Variants in PLA2G4D observed in about 807,000 individuals in gnomAD.
PLA2G4D encodes cytosolic phospholipase A2 delta.
PLA2G4D carries 80 observed loss-of-function variants against 94.4 expected under a neutral mutation model. The ratio of observed to expected loss-of-function variants is 0.85; its 90% CI spans 0.71 to 1.02. PLA2G4D has a LOEUF of 1.02. PLA2G4D is among the 50% of genes least tolerant of loss of function. PLA2G4D has a pLI of 0.00. For missense variants in PLA2G4D, 1,050 were observed against 1,034.7 expected, an observed-to-expected ratio of 1.01 and a Z score of -0.20; for synonymous variants, 438 against 440.9, an observed-to-expected ratio of 0.99 and a Z score of 0.08.
chr15:42,079,568 G>A lies in PLA2G4D; in HGVS notation c.1286C>T (p.Ala429Val), dbSNP rs746000051. The A allele has an allele frequency of 3.7e-6, 6 of 1,607,242 alleles. No homozygotes were observed. In the Admixed American group the frequency reaches 6.8e-5, roughly 18 times the overall value. The change falls in exon 13 of 20, where the codon GCG becomes GTG. Residue 429 changes from alanine to valine, a missense_variant. Coordinates refer to ENST00000290472, the MANE Select transcript of PLA2G4D (RefSeq NM_178034.4). Reference sequence around the variant, plus strand: ...GTGCAGCATGGACTCCAGCACTAGCGCCCACAGGTCCACAAAGGTCGTGGG... The same window carrying A: ...GTGCAGCATGGACTCCAGCACTAGCACCCACAGGTCCACAAAGGTCGTGGG... ...GHPTTFVDLWALVLESMLHGQ... is the reference protein window; with the variant it reads ...GHPTTFVDLWVLVLESMLHGQ...
Position 42,071,270 on chromosome 15 carries a change from A to G in PLA2G4D, c.1729T>C (p.Ser577Pro), listed in dbSNP as rs139975594. The change falls in exon 17 of 20, where the codon TCG becomes CCG. Residue 577 changes from serine to proline, a missense_variant. Coordinates refer to ENST00000290472, the MANE Select transcript of PLA2G4D (RefSeq NM_178034.4). ...AGCGCCGTGCCTGGCTGCAGCCACG[A>G]GGCCTCCAGCCGCGAGGAGGTCCCC... ...TSGTSSRLEA[S>P]WLQPGTALAQ... 284 of 1,603,526 alleles carry G rather than the reference A, an allele frequency of 1.8e-4. 2 individuals carry two copies. The East Asian group carries it at 6.0e-3, about 34-fold the overall frequency.
chr15:42,091,060 T>G (rs1162595466), intron 1 of PLA2G4D, among the ~76,000 whole-genome samples: 1 of 152,208 alleles, frequency 6.6e-6, no homozygotes, highest in East Asian at 1.9e-4. Flanking sequence ...CCACAGTCAT[T>G]TCTCATTCCA....
intron 1 of PLA2G4D, among the ~76,000 whole-genome samples, chr15:42,091,885 C>G (rs1402129469): frequency 6.6e-6 from 1 of 152,190 alleles, no homozygotes; most frequent in Non-Finnish European, 1.5e-5. Flanking sequence ...GGGAAGGGCC[C>G]CCTGTCCAGT....
rs552980036 is a variant in PLA2G4D, at chr15:42,069,241, A to G, written c.2231-300T>C. Among the ~76,000 whole-genome samples, 267 of 152,110 alleles carry G rather than the reference A, an allele frequency of 1.8e-3. 1 individual carries two copies. Among genetic ancestry groups the G allele is most frequent in the African/African-American group, 6.1e-3 (253 of 41,496 alleles). The stretch of plus-strand genomic sequence containing the variant: ...CAAGGTGGAAACAGCCAGAAGGGGG[A>G]AGTCAACTGGGTTTGCGAATGGATT... On this transcript the variant is annotated intron_variant, in intron 19 of 19. Coordinates refer to ENST00000290472, the MANE Select transcript of PLA2G4D (RefSeq NM_178034.4).
chr15:42,088,158 A>T lies in PLA2G4D; in HGVS notation c.46-458T>A, dbSNP rs188464630. On this transcript the variant is annotated intron_variant, in intron 1 of 19. Transcript: ENST00000290472. ...CTTCCGGACGGGAAGCAGGCATATG[A>T]CTTAAGGGAGGGTGAGCCTCAGCAG... is the stretch of plus-strand genomic sequence containing the variant. Among the ~76,000 whole-genome samples, 4 of 152,270 alleles carry T rather than the reference A, an allele frequency of 2.6e-5. No homozygotes were observed. The East Asian group carries it at 7.7e-4, about 29-fold the overall frequency.
Position 42,086,194 on chromosome 15 carries a change from T to TGGGGGGGGGCGGGC in PLA2G4D, c.387+18_387+19insGCCCGCCCCCCCCC. 1 of 1,370,444 alleles carries TGGGGGGGGGCGGGC rather than the reference T, an allele frequency of 7.3e-7. No homozygotes were observed. The highest frequency in any genetic ancestry group is 9.6e-7 in the Non-Finnish European group (1 of 1,043,084). 84.9% of individuals were successfully genotyped at this position (1,370,444 alleles called of 1,614,324 possible). ...GGAAGAAGTGGGGCCCACGGGGACT[T>TGGGGGGGGGCGGGC]CCCCACCCACCCACCCACCTGGGGA... On this transcript the variant is annotated intron_variant, in intron 4 of 19. Transcript: ENST00000290472.
At position 42,091,552 on chromosome 15, in the gene PLA2G4D, C is replaced by T. The variant is rs555577807; in HGVS notation, c.45+2863G>A. ...GGTAGCGAAAAGTGTCAAGGAAAAA[C>T]ATCTGCTACTTAGCAGACCGGGAAA... On this transcript the variant is annotated intron_variant, in intron 1 of 19. Coordinates refer to ENST00000290472, the MANE Select transcript of PLA2G4D (RefSeq NM_178034.4). 2.0e-5 allele frequency among the ~76,000 whole-genome samples: 3 copies of T among 152,086 alleles called. No individual in the cohort carries two copies. The East Asian group carries it at 5.8e-4, about 30-fold the overall frequency.
intron 1 of PLA2G4D, among the ~76,000 whole-genome samples, chr15:42,093,665 C>G: frequency 6.6e-6 from 1 of 152,198 alleles, no homozygotes; most frequent in Non-Finnish European, 1.5e-5. Context: ...TGAGCCTCTT[C>G]CAGGAGCACC....
In PLA2G4D at chr15:42,069,940, G is replaced by C. The variant is rs201643160; in HGVS notation, c.2199C>G (p.Val733=). The C allele has an allele frequency of 5.3e-5, 77 of 1,446,484 alleles. 1 individual carries two copies. The highest frequency in any genetic ancestry group is 2.0e-4 in the African/African-American group (13 of 66,606). The allele number at this position is 1,446,484 out of a possible 1,614,324, so 89.6% of individuals were successfully genotyped here. Reference sequence around the variant, plus strand: ...CTGAGTGGTCCTTGAAGGAGGCATTGACCAGCGGGAAGTGCAGCAGGATCG... The same window carrying C: ...CTGAGTGGTCCTTGAAGGAGGCATTCACCAGCGGGAAGTGCAGCAGGATCG... The part of the protein sequence containing the change: ...EAPILLHFPL[V]NASFKDHSAP... Residue 733 remains valine (V), a synonymous_variant, in exon 19 of 20, where the codon GTC becomes GTG. Coordinates refer to ENST00000290472, the MANE Select transcript of PLA2G4D (RefSeq NM_178034.4).
chr15:42,086,210 C>T lies in PLA2G4D; in HGVS notation c.387+3G>A. 2.1e-6 allele frequency: 3 copies of T among 1,442,546 alleles called. No individual in the cohort carries two copies. The highest frequency in any genetic ancestry group is 2.7e-5 in the East Asian group (1 of 37,700). 89.4% of individuals were successfully genotyped at this position (1,442,546 alleles called of 1,614,324 possible). A position where few individuals can be genotyped will look rare whatever the true frequency, so the allele number is the denominator to read the frequency against. On this transcript the variant is annotated splice_donor_region_variant and intron_variant, in intron 4 of 19. Transcript: ENST00000290472. ...ACGGGGACTTCCCCACCCACCCACC[C>T]ACCTGGGGACTCTGGGAGAAGGTTT...
chr15:42,085,552 C>A, intron 4 of PLA2G4D, 21 bp from the exon 5 acceptor site: 3 of 1,612,018 alleles, frequency 1.9e-6, no homozygotes, highest in Non-Finnish European at 2.5e-6. Flanking sequence ...AGAGCATGAG[C>A]AAGTCATCAG....
At position 42,087,360 on chromosome 15, in the gene PLA2G4D, G is replaced by C. The variant is rs140617872; in HGVS notation, c.195C>G (p.Thr65=). 1 of 1,614,176 alleles carries C rather than the reference G, an allele frequency of 6.2e-7. No homozygotes were observed. The highest frequency in any genetic ancestry group is 8.5e-7 in the Non-Finnish European group (1 of 1,180,022). Residue 65 remains threonine, a synonymous_variant, in exon 3 of 20, where the codon ACC becomes ACG. Coordinates refer to ENST00000290472, the MANE Select transcript of PLA2G4D (RefSeq NM_178034.4). ...CATTCCACACAGGATGACTGGTGTCGGTGAGCGTCTTGGTCTTAAACTTCA... is the reference window on the plus strand; with the variant it reads ...CATTCCACACAGGATGACTGGTGTCCGTGAGCGTCTTGGTCTTAAACTTCA... ...PGMKFKTKTL[T]DTSHPVWNEA...
chr15:42,085,653 A>G, intron 4 of PLA2G4D, 122 bp from the exon 5 acceptor site: 1 of 923,294 alleles, frequency 1.1e-6, no homozygotes, highest in Admixed American at 2.0e-5. Context: ...CGTTAGTACA[A>G]TTATTTCCAA....
rs1890124248 is a variant in PLA2G4D, at chr15:42,085,507, A to T, written c.412T>A (p.Phe138Ile). Residue 138 changes from phenylalanine to isoleucine, a missense_variant, in exon 5 of 20, where the codon TTC (phenylalanine) becomes ATC (isoleucine). Transcript: ENST00000290472. ...PQGEEELDVE[F>I]LMEETSDRPE... ...ATTACTCACGTTTCTTCCATCAGGA[A>T]CTCCACATCCAGCTCCTCCTCTCCC... 1 of 1,613,590 alleles carries T rather than the reference A, an allele frequency of 6.2e-7. No homozygotes were observed. Among genetic ancestry groups the T allele is most frequent in the Non-Finnish European group, 8.5e-7 (1 of 1,179,930 alleles).
At chr15:42,072,459 G>A in intron 13 of PLA2G4D, 67 bp from the exon 14 acceptor site, 2 of 1,279,520 alleles carry the variant, frequency 1.6e-6, no homozygotes, top group Non-Finnish European at 2.2e-6. Flanking sequence ...GCTCCGCCAG[G>A]ACAGGGGCAG....
chr15:42,085,290 G>T, intron 5 of PLA2G4D, 152 bp from the exon 6 acceptor site: 1 of 1,060,530 alleles, frequency 9.4e-7, no homozygotes, highest in South Asian at 1.3e-5. Context: ...GGAGAGGGGA[G>T]GGGAGAGAGC....
intron 4 of PLA2G4D, among the ~76,000 whole-genome samples, chr15:42,085,896 G>A (rs1396032725): frequency 3.3e-5 from 5 of 152,232 alleles, no homozygotes; most frequent in African/African-American, 1.2e-4. Flanking sequence ...CCCCCAGGCT[G>A]CAGCAGGAAG....
chr15:42,094,554 C>A lies in PLA2G4D; in HGVS notation c.-95G>T. 3 of 1,467,202 alleles carry A rather than the reference C, an allele frequency of 2.0e-6. No homozygotes were observed. Among genetic ancestry groups the A allele is most frequent in the South Asian group, 2.4e-5 (2 of 85,098 alleles). 90.9% of individuals were successfully genotyped at this position (1,467,202 alleles called of 1,614,324 possible). On this transcript the variant is annotated 5_prime_UTR_variant, in exon 1 of 20. An upstream start codon of the reference 5' UTR is lost. Transcript: ENST00000290472. ...GACGGTCCCAGTGGGATAGGACCAG[C>A]ATGAATCTGCCAGCCTTCAATGAGC...
chr15:42,086,347 A>G lies in PLA2G4D; in HGVS notation c.256-3T>C, dbSNP rs755945718. Reference sequence around the variant, plus strand: ...TAGATGCTAAGCTCCAGAACATTCTAGGAACCAGGAACAGCGACTTAGCAT... The same window carrying G: ...TAGATGCTAAGCTCCAGAACATTCTGGGAACCAGGAACAGCGACTTAGCAT... On this transcript the variant is annotated splice_region_variant and splice_polypyrimidine_tract_variant and intron_variant, in intron 3 of 19. Transcript: ENST00000290472. The G allele has an allele frequency of 6.8e-6, 11 of 1,613,276 alleles. No individual in the cohort carries two copies. Among genetic ancestry groups the G allele is most frequent in the South Asian group, 3.3e-5 (3 of 91,084 alleles).
Sources: allele counts gnomAD v4.1 joint callset (sites outside exome capture counted in the v4.1 genomes callset), GRCh38; gene constraint gnomAD v4.1.1; transcripts MANE v1.5; gene names NCBI Gene and HGNC (gene_info 2026-07-23, HGNC 2026-07-21).